NBAS: variants seen among roughly 807,000 people sequenced by gnomAD.
NBAS encodes the protein NAG/BC035112 fusion.
In NBAS, 219 loss-of-function variants were observed where a neutral mutation model predicts 302.5. The ratio of observed to expected loss-of-function variants is 0.72; its 90% CI spans 0.65 to 0.81. The LOEUF (loss-of-function observed/expected upper bound fraction) is 0.81. Ranked by LOEUF, NBAS falls within the 30% of genes least tolerant of loss-of-function variation. NBAS has a pLI of 0.00. For missense variants in NBAS, 2,932 were observed against 2,841.6 expected (o/e 1.03, Z -0.72); for synonymous variants, 1,118 against 1,021.6 (o/e 1.09, Z -1.80).
the NBAS span, among the ~76,000 whole-genome samples, chr2:15,047,378 ATGCAGGTGAAGGCTGGACCCC>A: frequency 1.3e-5 from 2 of 151,546 alleles, no homozygotes; most frequent in African/African-American, 2.4e-5. Context: ...GGCGGGGCTT[ATGCAGGTGAAGGCTGGACCCC>A]TGCAGGTGAA....
the NBAS span, among the ~76,000 whole-genome samples, chr2:14,899,784 T>C: frequency 2.6e-5 from 4 of 152,030 alleles, no homozygotes; most frequent in African/African-American, 9.7e-5. Flanking sequence ...CTCCTGAAAT[T>C]ATTTTTTACC....
rs999249865 is a variant in NBAS, at chr2:15,405,056, T to C, written c.2938-2755A>G. ...AACATGATATTAACCAGATTATGTC[T>C]CCTTGTTTTAGTCTACTCCTACCTG... On this transcript the variant is annotated intron_variant, in intron 25 of 51. Transcript: ENST00000281513. Among the ~76,000 whole-genome samples, 15 of 152,200 alleles carry C rather than the reference T, an allele frequency of 9.9e-5. 1 individual carries two copies. The highest frequency in any genetic ancestry group is 3.9e-4 in the Admixed American group (6 of 15,282).
intron 26 of NBAS, among the ~76,000 whole-genome samples, chr2:15,398,329 G>T (rs887801057): frequency 6.6e-6 from 1 of 152,108 alleles, no homozygotes; most frequent in East Asian, 1.9e-4. Flanking sequence ...TTTTTTTGTA[G>T]AGATGGGGTC....
the NBAS span, among the ~76,000 whole-genome samples, chr2:15,073,197 G>A: frequency 6.6e-6 from 1 of 152,160 alleles, no homozygotes; most frequent in East Asian, 1.9e-4. Flanking sequence ...AGTAAAATAA[G>A]GATGGGCGTG....
chr2:14,971,511 T>C, the NBAS span, among the ~76,000 whole-genome samples: 1 of 152,054 alleles, frequency 6.6e-6, no homozygotes, highest in Non-Finnish European at 1.5e-5. Context: ...CGAGACTCTG[T>C]CTCAAAATAA....
chr2:15,084,174 G>C, the NBAS span, among the ~76,000 whole-genome samples: 1 of 151,958 alleles, frequency 6.6e-6, no homozygotes, highest in Non-Finnish European at 1.5e-5. Flanking sequence ...TCAGCCTCCA[G>C]AGTAGCTGGA....
chr2:14,918,312 C>CAAA, the NBAS span, among the ~76,000 whole-genome samples: 1 of 103,526 alleles, frequency 9.7e-6, no homozygotes, highest in Admixed American at 1.1e-4. Context: ...GAAATCCATG[C>CAAA]AAAAAAAAAA....
chr2:15,437,616 G>A (rs987194691), intron 21 of NBAS, among the ~76,000 whole-genome samples: 13 of 152,280 alleles, frequency 8.5e-5, no homozygotes, highest in African/African-American at 2.2e-4. Flanking sequence ...TGTTGATGAG[G>A]TTCAAGATTA....
At chr2:15,345,411 C>A (rs1239661313) in intron 35 of NBAS, among the ~76,000 whole-genome samples, 1 of 151,980 alleles carries the variant, frequency 6.6e-6, no homozygotes, top group Non-Finnish European at 1.5e-5. Flanking sequence ...ATAATTGCTA[C>A]AAAGAGAATA....
chr2:15,386,521 T>A (rs1675306438), intron 28 of NBAS, among the ~76,000 whole-genome samples: 1 of 152,194 alleles, frequency 6.6e-6, no homozygotes, highest in African/African-American at 2.4e-5. Flanking sequence ...CAGCCTTCTT[T>A]ACATTTTTAC....
intron 21 of NBAS, among the ~76,000 whole-genome samples, chr2:15,446,576 A>G (rs1678754258): frequency 6.6e-6 from 1 of 152,224 alleles, no homozygotes; most frequent in Non-Finnish European, 1.5e-5. Context: ...GACACTAGAT[A>G]TAAATTGTAT....
intron 48 of NBAS, among the ~76,000 whole-genome samples, chr2:15,216,778 C>T (rs1666672293): frequency 6.6e-6 from 1 of 152,174 alleles, no homozygotes; most frequent in African/African-American, 2.4e-5. Context: ...CCCCTTTTCC[C>T]AACTTCTACA....
chr2:15,263,091 C>T (rs554074184), intron 44 of NBAS, among the ~76,000 whole-genome samples: 4 of 152,264 alleles, frequency 2.6e-5, no homozygotes, highest in Non-Finnish European at 2.9e-5. Context: ...ATGAAATTTC[C>T]GTGGCCCTCC....
At chr2:15,365,745 C>A (rs1023612783) in intron 32 of NBAS, among the ~76,000 whole-genome samples, 1 of 152,124 alleles carries the variant, frequency 6.6e-6, no homozygotes, top group Non-Finnish European at 1.5e-5. Context: ...CTACATAATA[C>A]AATTTTAAAA....
intron 44 of NBAS, among the ~76,000 whole-genome samples, chr2:15,268,139 C>A (rs1669157077): frequency 6.6e-6 from 1 of 152,190 alleles, no homozygotes; most frequent in South Asian, 2.1e-4. Flanking sequence ...CCTACCTTGG[C>A]CCATAAAGCA....
the NBAS span, among the ~76,000 whole-genome samples, chr2:14,783,539 C>T: frequency 1.4e-5 from 2 of 139,192 alleles, no homozygotes; most frequent in South Asian, 4.6e-4. Context: ...TCTCATTGTT[C>T]AATTCCCACC....
the NBAS span, among the ~76,000 whole-genome samples, chr2:15,030,382 A>G: frequency 2.0e-5 from 3 of 152,150 alleles, no homozygotes; most frequent in Non-Finnish European, 2.9e-5. Flanking sequence ...AAATTATTGG[A>G]GCTTTGTCAG....
the NBAS span, among the ~76,000 whole-genome samples, chr2:15,026,680 G>A: frequency 1.1e-4 from 16 of 152,072 alleles, no homozygotes; most frequent in South Asian, 4.1e-4. Flanking sequence ...TATCATATGC[G>A]TATATTCTTA....
chr2:15,021,661 AAGAGC>A, the NBAS span, among the ~76,000 whole-genome samples: 2 of 57,980 alleles, frequency 3.4e-5, no homozygotes, highest in South Asian at 9.8e-4. Flanking sequence ...GACTTCTTGG[AAGAGC>A]AGATTTGGGC....
Sources: allele counts gnomAD v4.1 joint callset (sites outside exome capture counted in the v4.1 genomes callset), GRCh38; gene constraint gnomAD v4.1.1; transcripts MANE v1.5; gene names NCBI Gene and HGNC (gene_info 2026-07-23, HGNC 2026-07-21).